Variants in SFI1 observed in about 807,000 individuals in gnomAD.
SFI1 encodes SFI1 centrin binding protein, also known as protein SFI1 homolog.
In SFI1, 195 loss-of-function variants were observed where a neutral mutation model predicts 207.5. That is an observed-to-expected ratio of 0.94 (90% CI 0.84 to 1.06). The LOEUF is 1.06. SFI1 is among the 50% of genes least tolerant of loss of function. SFI1 has a pLI of 0.00. For missense variants in SFI1, 1,634 were observed against 1,588.0 expected (o/e 1.03, Z -0.49); for synonymous variants, 630 against 598.9 (o/e 1.05, Z -0.76).
rs1425841379 is a variant in SFI1, at chr22:31,615,287, C to T, written c.3300+8C>T. Reference sequence around the variant, plus strand: ...GCGGCTGCACCAGCCAGGGTACGTCCTCCACCACCAGGCCTGGGCACTGGG... The same window carrying T: ...GCGGCTGCACCAGCCAGGGTACGTCTTCCACCACCAGGCCTGGGCACTGGG... On this transcript the variant is annotated splice_region_variant and intron_variant, in intron 29 of 32. Coordinates refer to ENST00000400288, the MANE Select transcript of SFI1 (RefSeq NM_001007467.3). 1 of 1,480,398 alleles carries T rather than the reference C, an allele frequency of 6.8e-7. No homozygotes were observed. The highest frequency in any genetic ancestry group is 8.9e-7 in the Non-Finnish European group (1 of 1,122,274). 91.7% of individuals were successfully genotyped at this position (1,480,398 alleles called of 1,614,324 possible).
chr22:31,541,034 G>A (rs2059432771), intron 4 of SFI1, among the ~76,000 whole-genome samples: 1 of 152,120 alleles, frequency 6.6e-6, no homozygotes, highest in African/African-American at 2.4e-5. Flanking sequence ...ATATACCTGA[G>A]TCTTTGCTTG....
intron 23 of SFI1, 68 bp downstream of exon 23, chr22:31,611,371 AT>A (rs2070104382): frequency 1.3e-6 from 2 of 1,492,802 alleles, no homozygotes; most frequent in Non-Finnish European, 1.8e-6. Context: ...CCAGGAGACC[AT>A]TTCTCAGGAA....
In SFI1 at chr22:31,606,459, C is replaced by G. The variant is rs753549796; in HGVS notation, c.2157+29C>G. 4 of 1,590,016 alleles carry G rather than the reference C, an allele frequency of 2.5e-6. No homozygotes were observed. The African/African-American group carries it at 5.4e-5, about 21-fold the overall frequency. The stretch of plus-strand genomic sequence containing the variant: ...AGGTATAAGGAGGCAAGCTGGTCAC[C>G]CAGGAGAGTTGGGACTGTGTTCTGG... On this transcript the variant is annotated intron_variant, in intron 21 of 32. Coordinates refer to ENST00000400288, the MANE Select transcript of SFI1 (RefSeq NM_001007467.3).
chr22:31,605,783 G>A, intron 20 of SFI1: 1 of 153,258 alleles, frequency 6.5e-6, no homozygotes, highest in Non-Finnish European at 1.5e-5. Flanking sequence ...TGAAGGTCAA[G>A]GCCACAGTGA....
At chr22:31,512,467 A>G (rs1278757952) in intron 2 of SFI1, among the ~76,000 whole-genome samples, 1 of 151,552 alleles carries the variant, frequency 6.6e-6, no homozygotes, top group East Asian at 1.9e-4. Flanking sequence ...TTGACAAATT[A>G]TAGTTGTATG....
At chr22:31,611,653 T>A in intron 23 of SFI1, 113 bp from the exon 24 acceptor site, 2 of 1,094,540 alleles carry the variant, frequency 1.8e-6, no homozygotes, top group South Asian at 3.0e-5. Flanking sequence ...CATCCAGGAC[T>A]CCTAGCAATG....
chr22:31,592,728 G>A (rs1212511821), intron 15 of SFI1, among the ~76,000 whole-genome samples: 1 of 102,246 alleles, frequency 9.8e-6, no homozygotes, highest in Non-Finnish European at 2.0e-5. Flanking sequence ...TTGGGCAGAG[G>A]GGCTCCTCAC....
chr22:31,575,144 C>A, intron 9 of SFI1, 87 bp from the exon 10 acceptor site: 8 of 1,136,172 alleles, frequency 7.0e-6, no homozygotes, highest in Non-Finnish European at 8.5e-6. Context: ...CTGCTCTCTG[C>A]CAGTAGTGGG....
At chr22:31,611,893 G>T in intron 24 of SFI1, 53 bp downstream of exon 24, 1 of 1,606,486 alleles carries the variant, frequency 6.2e-7, no homozygotes. Flanking sequence ...CCTCTGGCCT[G>T]TGAGGCCTGG....
intron 29 of SFI1, chr22:31,616,412 A>G (rs1398693991): frequency 1.2e-5 from 3 of 257,242 alleles, no homozygotes; most frequent in African/African-American, 6.7e-5. Flanking sequence ...AAAGCTCAGC[A>G]AGGTCATGAG....
At chr22:31,589,313 A>C (rs551483737) in intron 14 of SFI1, 134 bp from the exon 15 acceptor site, 2 of 965,602 alleles carry the variant, frequency 2.1e-6, no homozygotes, top group South Asian at 2.3e-5. Context: ...ATTGGCAAAG[A>C]TAATAAATAA....
At chr22:31,498,238 T>C (rs1205465555) in intron 1 of SFI1, among the ~76,000 whole-genome samples, 2 of 151,990 alleles carry the variant, frequency 1.3e-5, no homozygotes, top group African/African-American at 2.4e-5. Flanking sequence ...GAGCTTGCAG[T>C]GAGCCAAGAT....
chr22:31,608,551 C>G (rs951809046), intron 22 of SFI1, among the ~76,000 whole-genome samples: 5 of 152,214 alleles, frequency 3.3e-5, no homozygotes, highest in Non-Finnish European at 7.3e-5. Context: ...GGAGGGGGCA[C>G]TGTTCAGTCC....
intron 24 of SFI1, chr22:31,612,396 AAAATATATATAT>A (rs1484195325): frequency 1.0e-5 from 1 of 95,758 alleles, no homozygotes; most frequent in African/African-American, 4.1e-5. Context: ...AAAAAAAAAA[AAAATATATATAT>A]ATATATATAT....
rs369191244 is a variant in SFI1, at chr22:31,543,974, A to G, written c.339-2887A>G. On this transcript the variant is annotated intron_variant, in intron 4 of 32. Transcript: ENST00000400288. ...GAGGCCAAGGTCAGCAGATTGTCTGAGCTCAGGAGTGCAAGACCAGCATGG... is the reference window on the plus strand; with the variant it reads ...GAGGCCAAGGTCAGCAGATTGTCTGGGCTCAGGAGTGCAAGACCAGCATGG... Among the ~76,000 whole-genome samples, 16 of 152,242 alleles carry G rather than the reference A, an allele frequency of 1.1e-4. No homozygotes were observed. In the South Asian group the frequency reaches 3.3e-3, roughly 32 times the overall value.
intron 12 of SFI1, 92 bp from the exon 13 acceptor site, chr22:31,583,783 G>A (rs2064658565): frequency 1.8e-6 from 2 of 1,113,682 alleles, no homozygotes; most frequent in Admixed American, 1.7e-5. Flanking sequence ...GGTCATTTCT[G>A]CTTTGGGGGA....
At chr22:31,544,750 G>A (rs1255753727) in intron 4 of SFI1, among the ~76,000 whole-genome samples, 1 of 151,792 alleles carries the variant, frequency 6.6e-6, no homozygotes, top group Non-Finnish European at 1.5e-5. Context: ...GCGAGACCCT[G>A]TCTCCAAAAA....
intron 3 of SFI1, among the ~76,000 whole-genome samples, chr22:31,530,403 T>C (rs2058381326): frequency 7.3e-6 from 1 of 137,794 alleles, no homozygotes; most frequent in Admixed American, 8.2e-5. Context: ...GGCAGGAGAA[T>C]GGTGTGAACC....
At chr22:31,589,710 T>A in intron 15 of SFI1, 133 bp downstream of exon 15, 1 of 853,426 alleles carries the variant, frequency 1.2e-6, no homozygotes. Context: ...TTCAGTAATG[T>A]GGGCTCATTG....
Sources: allele counts gnomAD v4.1 joint callset (sites outside exome capture counted in the v4.1 genomes callset), GRCh38; gene constraint gnomAD v4.1.1; transcripts MANE v1.5; gene names NCBI Gene and HGNC (gene_info 2026-07-23, HGNC 2026-07-21).